SMPD3: variants seen among roughly 807,000 people sequenced by gnomAD.
The protein encoded by SMPD3 is nSMase-2.
SMPD3 carries 21 observed loss-of-function variants against 55.7 expected under a neutral mutation model. That is an observed-to-expected ratio of 0.38 (90% CI 0.27 to 0.54). SMPD3 has a LOEUF of 0.54. Ranked by LOEUF, SMPD3 falls within the 20% of genes least tolerant of loss-of-function variation. The probability of loss-of-function intolerance (pLI) is 0.80; values close to 1 mark genes in which losing one functional copy is unlikely to be tolerated. For missense variants in SMPD3, 842 were observed against 899.6 expected (o/e 0.94, Z 0.82); for synonymous variants, 457 against 404.3 (o/e 1.13, Z -1.56).
At chr16:68,406,658 C>T (rs1273041807) in intron 1 of SMPD3, among the ~76,000 whole-genome samples, 1 of 152,190 alleles carries the variant, frequency 6.6e-6, no homozygotes, top group East Asian at 1.9e-4. Context: ...CTTTATCAGA[C>T]GCCGATGTGG....
intron 7 of SMPD3, 22 bp from the exon 8 acceptor site, chr16:68,361,781 A>G: frequency 6.9e-7 from 1 of 1,452,506 alleles, no homozygotes; most frequent in Non-Finnish European, 9.3e-7. Context: ...TGCAGGAGGC[A>G]GGTGGGCCCC....
At chr16:68,397,215 C>T (rs1336478985) in intron 1 of SMPD3, among the ~76,000 whole-genome samples, 3 of 152,198 alleles carry the variant, frequency 2.0e-5, no homozygotes, top group Non-Finnish European at 4.4e-5. Context: ...GGGAGGAACA[C>T]CCCAGGGGTT....
intron 1 of SMPD3, among the ~76,000 whole-genome samples, chr16:68,387,672 AG>A (rs1228245311): frequency 6.6e-6 from 1 of 152,218 alleles, no homozygotes; most frequent in African/African-American, 2.4e-5. Context: ...CAGCACAGCC[AG>A]GGCTGTCCTT....
chr16:68,423,399 A>G (rs74024651), intron 1 of SMPD3, among the ~76,000 whole-genome samples: 3,286 of 152,198 alleles, frequency 0.022, 105 homozygotes, highest in African/African-American at 0.075. Flanking sequence ...AGGATTAGTT[A>G]AGGTAGTTAG....
At chr16:68,430,633 C>T (rs2090471934) in intron 1 of SMPD3, among the ~76,000 whole-genome samples, 1 of 152,136 alleles carries the variant, frequency 6.6e-6, no homozygotes, top group African/African-American at 2.4e-5. Context: ...GGCCTTCTCC[C>T]TCCCCCTGCC....
chr16:68,402,557 G>A (rs1333553426), intron 1 of SMPD3, among the ~76,000 whole-genome samples: 1 of 152,122 alleles, frequency 6.6e-6, no homozygotes, highest in Non-Finnish European at 1.5e-5. Flanking sequence ...AGCATGGTAG[G>A]CGCTGTGCCT....
chr16:68,372,377 T>C lies in SMPD3; in HGVS notation c.-196A>G, dbSNP rs2089694766. Reference sequence around the variant, plus strand: ...CACCTCGGTGGGCCATGCGGAGGCCTACTGCAGACCCTGCAGAGACAAAAG... The same window carrying C: ...CACCTCGGTGGGCCATGCGGAGGCCCACTGCAGACCCTGCAGAGACAAAAG... On this transcript the variant is annotated 5_prime_UTR_variant, in exon 3 of 9. Transcript: ENST00000219334. 5.9e-6 allele frequency: 4 copies of C among 675,728 alleles called. No homozygotes were observed. The highest frequency in any genetic ancestry group is 1.0e-5 in the Non-Finnish European group (4 of 399,892). 41.9% of individuals were successfully genotyped at this position (675,728 alleles called of 1,614,324 possible).
chr16:68,415,174 C>T (rs1031907308), intron 1 of SMPD3, among the ~76,000 whole-genome samples: 5 of 152,122 alleles, frequency 3.3e-5, no homozygotes, highest in African/African-American at 9.7e-5. Flanking sequence ...AGGTAACGCC[C>T]AGAGAGTGGA....
intron 1 of SMPD3, among the ~76,000 whole-genome samples, chr16:68,412,749 C>T (rs2090311606): frequency 6.6e-6 from 1 of 152,220 alleles, no homozygotes. Context: ...CTGTGATTCC[C>T]ATATTTTCAT....
intron 1 of SMPD3, among the ~76,000 whole-genome samples, chr16:68,429,614 C>T (rs1041861717): frequency 2.0e-5 from 3 of 152,188 alleles, no homozygotes; most frequent in African/African-American, 7.2e-5. Flanking sequence ...TCAGTTGCAG[C>T]CCAGCTGGGG....
rs564994052 is a variant in SMPD3, at chr16:68,365,176, A to C, written c.1324-84T>G. ...GGACACTGGCAGTGCCCACCCACCC[A>C]TGAGGTCAGACCCTCACAAGCCTGG... On this transcript the variant is annotated intron_variant, in intron 3 of 8. Transcript: ENST00000219334. 8.7e-5 allele frequency: 121 copies of C among 1,387,750 alleles called. No individual in the cohort carries two copies. The African/African-American group carries it at 1.6e-3, about 19-fold the overall frequency. The allele number at this position is 1,387,750 out of a possible 1,614,324, so 86.0% of individuals were successfully genotyped here. A position where few individuals can be genotyped will look rare whatever the true frequency, so the allele number is the denominator to read the frequency against.
intron 1 of SMPD3, among the ~76,000 whole-genome samples, chr16:68,448,122 C>G (rs2090624632): frequency 6.6e-6 from 1 of 152,140 alleles, no homozygotes; most frequent in Admixed American, 6.5e-5. Flanking sequence ...GTGGGGGTGA[C>G]CCCCAGCCCT....
intron 1 of SMPD3, among the ~76,000 whole-genome samples, chr16:68,397,935 A>G (rs993861108): frequency 1.3e-5 from 2 of 152,168 alleles, no homozygotes; most frequent in Non-Finnish European, 2.9e-5. Flanking sequence ...GGCCACCTGC[A>G]GACAGGCAAG....
Position 68,371,911 on chromosome 16 carries a change from C to T in SMPD3, c.271G>A (p.Ala91Thr). The T allele has an allele frequency of 6.2e-7, 1 of 1,610,600 alleles. No individual in the cohort carries two copies. Among genetic ancestry groups the T allele is most frequent in the Non-Finnish European group, 8.5e-7 (1 of 1,179,332 alleles). ...GFLFWSPLQS[A>T]RRPYIYSRLE... ...CGTGAATAGATGTAGGGCCGGCGGG[C>T]CGACTGCAGTGGGGACCAGAAGAGA... Residue 91 changes from alanine to threonine, a missense_variant, in exon 3 of 9, where the codon GCC becomes ACC. Transcript: ENST00000219334.
intron 2 of SMPD3, among the ~76,000 whole-genome samples, chr16:68,385,981 G>A (rs1407957438): frequency 6.6e-6 from 1 of 152,200 alleles, no homozygotes; most frequent in Non-Finnish European, 1.5e-5. Context: ...CTAGCACATT[G>A]GGAGGCCAAG....
rs60182424 is a variant in SMPD3 at position 68,432,007 on chromosome 16, C to T, written c.-269+16346G>A. Among the ~76,000 whole-genome samples the T allele has an allele frequency of 1.7e-3, 254 of 151,260 alleles. 1 individual carries two copies. Among genetic ancestry groups the T allele is most frequent in the African/African-American group, 5.8e-3 (238 of 41,094 alleles). The stretch of plus-strand genomic sequence containing the variant: ...GTGCGGGCCTGTAATCCCAACTACT[C>T]GGGAGGCTGAGGCACGAGAATCACT... On this transcript the variant is annotated intron_variant, in intron 1 of 8. Transcript: ENST00000219334.
chr16:68,390,613 A>G (rs1418452034), intron 1 of SMPD3, among the ~76,000 whole-genome samples: 6 of 152,240 alleles, frequency 3.9e-5, no homozygotes, highest in Non-Finnish European at 4.4e-5. Flanking sequence ...GTGAGCTGTG[A>G]TGGCGCCACT....
intron 2 of SMPD3, among the ~76,000 whole-genome samples, chr16:68,381,120 C>T (rs549274584): frequency 6.6e-6 from 1 of 152,360 alleles, no homozygotes; most frequent in African/African-American, 2.4e-5. Context: ...CAGGTGTCAG[C>T]ATTTCACTCA....
intron 1 of SMPD3, among the ~76,000 whole-genome samples, chr16:68,407,507 A>AT (rs1375275577): frequency 1.3e-5 from 2 of 151,844 alleles, no homozygotes; most frequent in Non-Finnish European, 2.9e-5. Flanking sequence ...TTAATTTTTA[A>AT]TTTTTTTTAA....
Sources: gnomAD v4.1 joint callset for allele counts (sites outside exome capture counted in the v4.1 genomes callset) on GRCh38, gnomAD v4.1.1 for gene constraint, MANE v1.5 for transcripts, NCBI Gene and HGNC (gene_info 2026-07-23, HGNC 2026-07-21) for gene names.